Variants in DTNA observed in about 807,000 individuals in gnomAD.
DTNA encodes the protein dystrobrevin alpha, also known as dystrophin-related protein 3.
In DTNA, 43 loss-of-function variants were observed where a neutral mutation model predicts 100.7. The observed-to-expected ratio is 0.43, with a 90% CI of 0.33 to 0.55. The LOEUF (loss-of-function observed/expected upper bound fraction) is 0.55. DTNA is among the 20% of genes least tolerant of loss of function. The pLI is 0.04. For synonymous variants in DTNA, 349 were observed against 347.9 expected, an observed-to-expected ratio of 1.00 and a Z score of -0.04; for missense variants, 798 against 953.9, an observed-to-expected ratio of 0.84 and a Z score of 2.15.
chr18:34,761,546 AAGAG>A (rs1401624783), intron 2 of DTNA, among the ~76,000 whole-genome samples: 1 of 152,108 alleles, frequency 6.6e-6, no homozygotes, highest in African/African-American at 2.4e-5. Context: ...GAAGAGAAGA[AAGAG>A]AATCTTTTCA....
chr18:34,859,233 G>C (rs1221168925), intron 16 of DTNA, among the ~76,000 whole-genome samples: 1 of 152,188 alleles, frequency 6.6e-6, no homozygotes, highest in Non-Finnish European at 1.5e-5. Flanking sequence ...TCTTGACCAC[G>C]AAGTTGTCCA....
intron 1 of DTNA, among the ~76,000 whole-genome samples, chr18:34,572,321 A>C (rs1165503503): frequency 2.3e-4 from 35 of 152,146 alleles, no homozygotes; most frequent in Non-Finnish European, 7.3e-5. Flanking sequence ...ATGTGTATTA[A>C]ATGAGAATAC....
At chr18:34,834,457 C>T (rs1284284283) in intron 11 of DTNA, among the ~76,000 whole-genome samples, 1 of 151,638 alleles carries the variant, frequency 6.6e-6, no homozygotes, top group Admixed American at 6.6e-5. Context: ...GAGCCAAGAT[C>T]GCACCATTGC....
chr18:34,883,522 C>A (rs1158497893), intron 21 of DTNA, among the ~76,000 whole-genome samples: 1 of 151,960 alleles, frequency 6.6e-6, no homozygotes, highest in East Asian at 1.9e-4. Flanking sequence ...GTTGTCCAAG[C>A]TGGTATTGAA....
At chr18:34,589,165 G>A (rs1598775193) in intron 1 of DTNA, among the ~76,000 whole-genome samples, 1 of 152,076 alleles carries the variant, frequency 6.6e-6, no homozygotes, top group African/African-American at 2.4e-5. Flanking sequence ...AGGATTATAT[G>A]TAGCATGCTG....
intron 20 of DTNA, among the ~76,000 whole-genome samples, chr18:34,881,510 C>A (rs551995228): frequency 7.6e-6 from 1 of 131,598 alleles, no homozygotes; most frequent in Non-Finnish European, 1.5e-5. Flanking sequence ...GCCCTCCTGG[C>A]ATTGACTAGC....
chr18:34,769,319 A>G (rs527783690), intron 3 of DTNA, among the ~76,000 whole-genome samples: 13 of 152,206 alleles, frequency 8.5e-5, no homozygotes, highest in Non-Finnish European at 1.5e-4. Flanking sequence ...CTAGAAAGTT[A>G]GCCAACCAGA....
At chr18:34,683,184 G>C (rs1264261349) in intron 1 of DTNA, among the ~76,000 whole-genome samples, 3 of 152,080 alleles carry the variant, frequency 2.0e-5, no homozygotes, top group Non-Finnish European at 4.4e-5. Context: ...TTTTAGTAAT[G>C]GTTGTTTGCT....
intron 1 of DTNA, among the ~76,000 whole-genome samples, chr18:34,733,642 G>A (rs1244117595): frequency 6.6e-6 from 1 of 152,158 alleles, no homozygotes; most frequent in Non-Finnish European, 1.5e-5. Flanking sequence ...CTTCAAAGAT[G>A]CAGGTGCTGC....
intron 1 of DTNA, among the ~76,000 whole-genome samples, chr18:34,729,176 C>T (rs528401925): frequency 4.6e-5 from 7 of 152,138 alleles, no homozygotes; most frequent in South Asian, 4.2e-4. Context: ...AGTCAGTCCT[C>T]GTGGAATTAT....
intron 22 of DTNA, among the ~76,000 whole-genome samples, chr18:34,885,763 C>G (rs1424047849): frequency 6.6e-6 from 1 of 152,186 alleles, no homozygotes; most frequent in East Asian, 1.9e-4. Context: ...ATGCCTGCCC[C>G]TATGTTCAGT....
chr18:34,764,213 G>A (rs1191054826), intron 2 of DTNA, among the ~76,000 whole-genome samples: 3 of 87,522 alleles, frequency 3.4e-5, no homozygotes, highest in Non-Finnish European at 4.5e-5. Context: ...TGTTCTCAGT[G>A]CAGAAGTCAA....
Position 34,534,459 on chromosome 18 carries a change from AG to A in DTNA, c.-2+40948del, listed in dbSNP as rs537165944. Reference sequence around the variant, plus strand: ...GAGACATTATCCCATGCAGACAGACAGGGCATCAAGCATCAAGCATTTTATT... The same window carrying A: ...GAGACATTATCCCATGCAGACAGACAGGCATCAAGCATCAAGCATTTTATT... On this transcript the variant is annotated intron_variant, in intron 1 of 19. Transcript: ENST00000283365. Among the ~76,000 whole-genome samples, 35 of 152,198 alleles carry A rather than the reference AG, an allele frequency of 2.3e-4. 1 individual carries two copies. The South Asian group carries it at 7.0e-3, about 31-fold the overall frequency.
chr18:34,746,825 A>G (rs192408354), intron 1 of DTNA, among the ~76,000 whole-genome samples: 2 of 152,070 alleles, frequency 1.3e-5, no homozygotes, highest in African/African-American at 4.8e-5. Context: ...GTCTTTCCTC[A>G]TAGTAAGGGG....
intron 1 of DTNA, among the ~76,000 whole-genome samples, chr18:34,551,636 G>A (rs1407380329): frequency 6.6e-6 from 1 of 152,078 alleles, no homozygotes; most frequent in Non-Finnish European, 1.5e-5. Flanking sequence ...CATCTCTCCA[G>A]CTTTCAGAGG....
chr18:34,552,692 A>G (rs1054074311), intron 1 of DTNA, among the ~76,000 whole-genome samples: 388 of 151,508 alleles, frequency 2.6e-3, no homozygotes, highest in Non-Finnish European at 4.0e-3. Context: ...CCATGTCCCT[A>G]CAAAGGACAT....
chr18:34,674,718 T>A (rs1302028501), intron 1 of DTNA, among the ~76,000 whole-genome samples: 2 of 152,186 alleles, frequency 1.3e-5, no homozygotes, highest in African/African-American at 4.8e-5. Flanking sequence ...TATCAATCAT[T>A]TATTCAAACA....
chr18:34,700,605 A>G (rs368601797), intron 1 of DTNA, among the ~76,000 whole-genome samples: 3 of 152,152 alleles, frequency 2.0e-5, no homozygotes, highest in East Asian at 1.9e-4. Flanking sequence ...CTGATTTACT[A>G]TTACTTGTGT....
chr18:34,749,671 AATAATAAC>A (rs869048727), intron 1 of DTNA, among the ~76,000 whole-genome samples: 12 of 4,524 alleles, frequency 2.7e-3, no homozygotes, highest in East Asian at 0.5. Flanking sequence ...TAATAATAAT[AATAATAAC>A]AAATAAGATA....
Sources: allele counts gnomAD v4.1 joint callset (sites outside exome capture counted in the v4.1 genomes callset), GRCh38; gene constraint gnomAD v4.1.1; transcripts MANE v1.5; gene names NCBI Gene and HGNC (gene_info 2026-07-23, HGNC 2026-07-21).